Variants in GALNT9 observed in about 807,000 individuals in gnomAD.
GALNT9 encodes polypeptide N-acetylgalactosaminyltransferase 9.
In GALNT9, 47 loss-of-function variants were observed where a neutral mutation model predicts 63.1. That is an observed-to-expected ratio of 0.75 (90% CI 0.59 to 0.95). The LOEUF (loss-of-function observed/expected upper bound fraction) is 0.95, where lower values mean the gene tolerates loss of function less well. GALNT9 is among the 40% of genes least tolerant of loss of function. The pLI is 0.00. For missense variants in GALNT9, 829 were observed against 874.8 expected (o/e 0.95, Z 0.66); for synonymous variants, 396 against 365.7 (o/e 1.08, Z -0.94).
rs955892255 is a variant in GALNT9 at position 132,327,153 on chromosome 12, G to A, written c.238+1813C>T. ...CGTTCGGAGAAAGGCTGACAAGGGA[G>A]GACAGCTAGGATGAAGGAAAGAAGG... On this transcript the variant is annotated intron_variant, in intron 1 of 10. Coordinates refer to ENST00000328957, the MANE Select transcript of GALNT9 (RefSeq NM_001122636.2). This position sits in a 1 kb window ranked among gnomAD's most constrained non-coding sequence, Gnocchi z 4.3. Among the ~76,000 whole-genome samples the A allele has an allele frequency of 9.2e-5, 14 of 152,090 alleles. No individual in the cohort carries two copies. The highest frequency in any genetic ancestry group is 1.8e-4 in the Non-Finnish European group (12 of 68,022).
chr12:132,240,531 G>C (rs1555236842), intron 6 of GALNT9: 4 of 441,218 alleles, frequency 9.1e-6, no homozygotes, highest in South Asian at 1.6e-5. Flanking sequence ...GTGCTGCTGT[G>C]GGCCTGGCGT....
At chr12:132,228,028 C>T (rs954585400) in intron 6 of GALNT9, among the ~76,000 whole-genome samples, 1 of 152,146 alleles carries the variant, frequency 6.6e-6, no homozygotes, top group African/African-American at 2.4e-5. Context: ...CTACAGCCTG[C>T]TCTGTGGTCT....
chr12:132,286,726 T>G lies in GALNT9; in HGVS notation c.239-296A>C, dbSNP rs1880610127. On this transcript the variant is annotated intron_variant, in intron 1 of 10. Transcript: ENST00000328957. The surrounding 1 kb of genome is among the most constrained non-coding windows in gnomAD (Gnocchi z 7.4). ...GGTGGATATCTGTTATTATTATGTA[T>G]TTTTTGATTCAGGGTCTTGCTCTGT... Among the ~76,000 whole-genome samples, 1 of 152,146 alleles carries G rather than the reference T, an allele frequency of 6.6e-6. No individual in the cohort carries two copies. The highest frequency in any genetic ancestry group is 2.1e-4 in the South Asian group (1 of 4,826).
chr12:132,294,117 C>T (rs1451828176), intron 1 of GALNT9, among the ~76,000 whole-genome samples: 2 of 152,238 alleles, frequency 1.3e-5, no homozygotes, highest in African/African-American at 4.8e-5. Flanking sequence ...ATCCTGGTGA[C>T]CACTATGGAC....
chr12:132,264,804 C>G (rs1218405541), intron 2 of GALNT9, among the ~76,000 whole-genome samples: 5 of 152,186 alleles, frequency 3.3e-5, no homozygotes, highest in Non-Finnish European at 7.3e-5. Flanking sequence ...AGGTGCGGCT[C>G]CTAGAAGTGG....
intron 6 of GALNT9, among the ~76,000 whole-genome samples, chr12:132,220,357 G>C (rs1164256612): frequency 2.0e-5 from 3 of 152,212 alleles, no homozygotes; most frequent in Non-Finnish European, 4.4e-5. Flanking sequence ...CAGAAAAAGA[G>C]AGTAATTAAA....
intron 6 of GALNT9, among the ~76,000 whole-genome samples, chr12:132,206,816 C>T (rs1408694654): frequency 1.3e-5 from 2 of 152,070 alleles, no homozygotes; most frequent in Non-Finnish European, 2.9e-5. Flanking sequence ...GAGTGCGGCA[C>T]GCCATACCCC....
chr12:132,210,886 T>TGGTCGCTGTCTGGA (rs553883296), intron 6 of GALNT9, among the ~76,000 whole-genome samples: 2 of 151,178 alleles, frequency 1.3e-5, no homozygotes, highest in South Asian at 2.1e-4. Context: ...GCCGTCTGGG[T>TGGTCGCTGTCTGGA]GGTCGCTGTC....
chr12:132,325,831 T>C (rs1286517088), intron 1 of GALNT9, among the ~76,000 whole-genome samples: 1 of 152,244 alleles, frequency 6.6e-6, no homozygotes, highest in Non-Finnish European at 1.5e-5. Context: ...CCCATCGCCA[T>C]CCCTGGCTCC....
chr12:132,303,918 G>C (rs1171822910), intron 1 of GALNT9, among the ~76,000 whole-genome samples: 12 of 29,068 alleles, frequency 4.1e-4, no homozygotes, highest in African/African-American at 4.0e-4. Flanking sequence ...CCCAGACACA[G>C]CCTCGCCCAG....
intron 6 of GALNT9, among the ~76,000 whole-genome samples, chr12:132,241,047 C>T (rs1878301164): frequency 1.4e-5 from 2 of 138,682 alleles, no homozygotes; most frequent in Admixed American, 7.0e-5. Context: ...CTTCCAGGGG[C>T]CCTCCCTATA....
intron 6 of GALNT9, among the ~76,000 whole-genome samples, chr12:132,243,457 C>A (rs1878549476): frequency 6.6e-6 from 1 of 152,208 alleles, no homozygotes; most frequent in Non-Finnish European, 1.5e-5. Context: ...GTGGGGGCCC[C>A]ACCTGGCCGA....
chr12:132,197,716 A>T, intron 10 of GALNT9, 76 bp downstream of exon 10: 2 of 1,129,104 alleles, frequency 1.8e-6, no homozygotes, highest in Non-Finnish European at 2.6e-6. Context: ...GGCTGGCTCT[A>T]GTGGCAGAGG....
chr12:132,304,278 C>G (rs1220531664), intron 1 of GALNT9, among the ~76,000 whole-genome samples: 3 of 65,980 alleles, frequency 4.5e-5, no homozygotes, highest in African/African-American at 1.3e-4. Flanking sequence ...CACCCTCGCC[C>G]GGGCACACCC....
intron 1 of GALNT9, among the ~76,000 whole-genome samples, chr12:132,325,950 C>A (rs1246476141): frequency 6.6e-6 from 1 of 152,272 alleles, no homozygotes; most frequent in East Asian, 1.9e-4. Flanking sequence ...GCGACGCGGG[C>A]GACCGTGCTC....
intron 2 of GALNT9, among the ~76,000 whole-genome samples, chr12:132,266,537 G>A (rs952801070): frequency 6.6e-6 from 1 of 152,214 alleles, no homozygotes; most frequent in Non-Finnish European, 1.5e-5. Context: ...GCCGAGACTC[G>A]AATGGCACGG....
chr12:132,200,252 C>T lies in GALNT9; in HGVS notation c.1401+872G>A, dbSNP rs61943887. Among the ~76,000 whole-genome samples the T allele has an allele frequency of 9.3e-3, 1,416 of 152,266 alleles. 14 individuals carry two copies. The highest frequency in any genetic ancestry group is 0.016 in the Non-Finnish European group (1,101 of 68,014). Reference sequence around the variant, plus strand: ...TCCGAGTGCCAGCTCAGGGCTGGGACGCTCGAGTCTCATGGTGGGAGGCAC... The same window carrying T: ...TCCGAGTGCCAGCTCAGGGCTGGGATGCTCGAGTCTCATGGTGGGAGGCAC... On this transcript the variant is annotated intron_variant, in intron 8 of 10. Transcript: ENST00000328957.
At chr12:132,237,388 C>T (rs1878045378) in intron 6 of GALNT9, among the ~76,000 whole-genome samples, 1 of 151,864 alleles carries the variant, frequency 6.6e-6, no homozygotes. Flanking sequence ...TTATACCGTA[C>T]ACAGGTGCTC....
In GALNT9 at chr12:132,310,707, C is replaced by G. The variant is rs1452870272; in HGVS notation, c.238+18259G>C. Among the ~76,000 whole-genome samples the G allele has an allele frequency of 1.3e-5, 2 of 152,130 alleles. No homozygotes were observed. The highest frequency in any genetic ancestry group is 2.9e-5 in the Non-Finnish European group (2 of 68,040). ...CAATATTCTGAGAGAGGAAACAGCACAAATTGAGAGGCGGCCGGGCACAAG... is the reference window on the plus strand; with the variant it reads ...CAATATTCTGAGAGAGGAAACAGCAGAAATTGAGAGGCGGCCGGGCACAAG... On this transcript the variant is annotated intron_variant, in intron 1 of 10. Transcript: ENST00000328957. The surrounding 1 kb of genome is among the most constrained non-coding windows in gnomAD (Gnocchi z 4.8).
Sources: gnomAD v4.1 joint callset for allele counts (sites outside exome capture counted in the v4.1 genomes callset) on GRCh38, gnomAD v4.1.1 for gene constraint, Gnocchi (gnomAD v3.1) non-coding constraint, MANE v1.5 for transcripts, NCBI Gene and HGNC (gene_info 2026-07-23, HGNC 2026-07-21) for gene names.